KAZN: variants seen among roughly 807,000 people sequenced by gnomAD.
KAZN encodes kazrin, periplakin interacting protein, also known as kazrin.
KAZN carries 40 observed loss-of-function variants against 87.4 expected under a neutral mutation model. That is an observed-to-expected ratio of 0.46 (90% CI 0.36 to 0.60). The LOEUF is 0.60. Among genes scored for constraint, KAZN ranks in the 20% least tolerant of loss-of-function variants. The pLI is 0.00. For synonymous variants in KAZN, 466 were observed against 458.3 expected (o/e 1.02, Z -0.22); for missense variants, 898 against 1,073.9 (o/e 0.84, Z 2.29).
At chr1:14,719,502 C>T (rs928719387) in intron 1 of KAZN, among the ~76,000 whole-genome samples, 5 of 152,148 alleles carry the variant, frequency 3.3e-5, no homozygotes, top group African/African-American at 1.2e-4. Flanking sequence ...ATTTTAAGGA[C>T]AGTGGTTAGG....
intron 2 of KAZN, among the ~76,000 whole-genome samples, chr1:14,518,488 A>T (rs72645976): frequency 0.011 from 1,680 of 152,224 alleles, 19 homozygotes; most frequent in Non-Finnish European, 0.018. Context: ...GTTTGAAATC[A>T]TTTTTAAAGA....
chr1:14,929,855 T>C, intron 1 of KAZN: 1 of 985,458 alleles, frequency 1.0e-6, no homozygotes, highest in Non-Finnish European at 1.2e-6. Context: ...CTGTCTCCCT[T>C]GTGGCGGCTT....
rs77459890 is a variant in KAZN, at chr1:14,445,438, T to A, written c.250-153545T>A. 9.8e-3 allele frequency among the ~76,000 whole-genome samples: 1,497 copies of A among 152,250 alleles called. 18 individuals are homozygous for A. Among genetic ancestry groups the A allele is most frequent in the Middle Eastern group, 0.024 (7 of 294 alleles). On this transcript the variant is annotated intron_variant, in intron 2 of 16. Coordinates refer to the KAZN transcript ENST00000636203. ...AGTAATCCATCTATGAGCTAAGGAATGTCATAGATTGCCAGGAAACCACCA... is the reference window on the plus strand; with the variant it reads ...AGTAATCCATCTATGAGCTAAGGAAAGTCATAGATTGCCAGGAAACCACCA...
intron 1 of KAZN, among the ~76,000 whole-genome samples, chr1:13,994,996 A>G (rs536246348): frequency 6.6e-6 from 1 of 152,310 alleles, no homozygotes; most frequent in South Asian, 2.1e-4. Context: ...GCATAATGAA[A>G]ACTTCTAAGG....
At chr1:14,436,427 C>A (rs116515182) in intron 2 of KAZN, among the ~76,000 whole-genome samples, 1 of 151,960 alleles carries the variant, frequency 6.6e-6, no homozygotes. Flanking sequence ...TTGTGCCAGG[C>A]ACTGATATGC....
chr1:14,655,401 C>A (rs1375068622), intron 1 of KAZN, among the ~76,000 whole-genome samples: 1 of 152,180 alleles, frequency 6.6e-6, no homozygotes, highest in Non-Finnish European at 1.5e-5. Context: ...ATATCCCTAC[C>A]AGCTTCTTCT....
intron 3 of KAZN, among the ~76,000 whole-genome samples, chr1:15,035,410 T>A (rs1181668950): frequency 6.6e-6 from 1 of 152,162 alleles, no homozygotes; most frequent in Non-Finnish European, 1.5e-5. Flanking sequence ...CTTGGAAGGC[T>A]TCACAGAGGA....
chr1:14,915,190 A>C (rs1460876615), intron 1 of KAZN, among the ~76,000 whole-genome samples: 1 of 152,246 alleles, frequency 6.6e-6, no homozygotes, highest in Non-Finnish European at 1.5e-5. Flanking sequence ...TCCGCCTCAA[A>C]AGAAAGAAAA....
intron 2 of KAZN, among the ~76,000 whole-genome samples, chr1:14,241,351 T>C (rs1648919157): frequency 6.6e-6 from 1 of 152,176 alleles, no homozygotes; most frequent in African/African-American, 2.4e-5. Flanking sequence ...TTCATTGACA[T>C]CAGGGCACTG....
chr1:14,054,908 TG>T, intron 1 of KAZN, among the ~76,000 whole-genome samples: 2 of 152,346 alleles, frequency 1.3e-5, no homozygotes, highest in East Asian at 3.9e-4. Flanking sequence ...ATGTGAAGTC[TG>T]GCTCTAGAGC....
At chr1:13,970,514 G>C (rs754172275) in intron 1 of KAZN, among the ~76,000 whole-genome samples, 1 of 152,154 alleles carries the variant, frequency 6.6e-6, no homozygotes, top group Non-Finnish European at 1.5e-5. Flanking sequence ...ACTTGCAAAC[G>C]TTCACTCATT....
intron 2 of KAZN, among the ~76,000 whole-genome samples, chr1:14,569,083 C>A (rs1309576213): frequency 6.6e-6 from 1 of 152,176 alleles, no homozygotes; most frequent in Non-Finnish European, 1.5e-5. Context: ...CCCAGATGAA[C>A]TTCTGACAGC....
chr1:14,022,265 T>A (rs1640863360), intron 1 of KAZN, among the ~76,000 whole-genome samples: 1 of 151,652 alleles, frequency 6.6e-6, no homozygotes, highest in South Asian at 2.1e-4. Context: ...GGTCATGGTG[T>A]TTATATCTAA....
At chr1:14,827,606 A>G (rs1646931597) in intron 1 of KAZN, among the ~76,000 whole-genome samples, 1 of 152,110 alleles carries the variant, frequency 6.6e-6, no homozygotes, top group Admixed American at 6.6e-5. Flanking sequence ...GTTCAAGAGG[A>G]GGGTTGTTGG....
At chr1:14,595,515 T>C (rs1459888739), upstream of KAZN, among the ~76,000 whole-genome samples, 2 of 150,888 alleles carry the variant, frequency 1.3e-5, no homozygotes, top group African/African-American at 4.9e-5. Flanking sequence ...CTGTCTCTAC[T>C]AAAAATACAA....
chr1:14,541,792 A>G (rs1672828122), intron 2 of KAZN, among the ~76,000 whole-genome samples: 1 of 152,126 alleles, frequency 6.6e-6, no homozygotes. Flanking sequence ...AGAAAAAGAC[A>G]TTTGTTTTCC....
intron 1 of KAZN, among the ~76,000 whole-genome samples, chr1:14,675,735 G>A (rs976298975): frequency 5.3e-5 from 8 of 152,178 alleles, no homozygotes; most frequent in African/African-American, 1.9e-4. Flanking sequence ...ATTCTGGGGA[G>A]TGGATGTTAA....
chr1:14,516,916 T>C (rs746136295), intron 2 of KAZN, among the ~76,000 whole-genome samples: 1 of 152,216 alleles, frequency 6.6e-6, no homozygotes, highest in Non-Finnish European at 1.5e-5. Context: ...TGTGTTCTCC[T>C]AGAAGTAAAG....
At position 14,598,731 on chromosome 1, in the gene KAZN, C is replaced by T; in HGVS notation, c.-267C>T. 1.5e-6 allele frequency: 2 copies of T among 1,323,316 alleles called. No homozygotes were observed. Among genetic ancestry groups the T allele is most frequent in the Non-Finnish European group, 1.9e-6 (2 of 1,045,548 alleles). The allele number at this position is 1,323,316 out of a possible 1,614,324, so 82.0% of individuals were successfully genotyped here. A position where few individuals can be genotyped will look rare whatever the true frequency, so the allele number is the denominator to read the frequency against. ...GCCCGCCCGCCGGGGTCTCGGCGAT[C>T]GCTGCTCCTCCTCCTCCTTCTCCTC... is the stretch of plus-strand genomic sequence containing the variant. On this transcript the variant is annotated 5_prime_UTR_variant, in exon 1 of 15. Transcript: ENST00000376030. This position sits in a 1 kb window ranked among gnomAD's most constrained non-coding sequence, Gnocchi z 4.2.
Sources: allele counts gnomAD v4.1 joint callset (sites outside exome capture counted in the v4.1 genomes callset), GRCh38; gene constraint gnomAD v4.1.1; non-coding constraint Gnocchi (gnomAD v3.1); transcripts MANE v1.5; gene names NCBI Gene and HGNC (gene_info 2026-07-23, HGNC 2026-07-21).